The following NTM variants were observed in gnomAD, a reference collection of about 807,000 sequenced individuals.
NTM encodes the protein neurotrimin.
Under a neutral mutation model 42.1 loss-of-function variants are expected in NTM, and 13 were observed. The observed-to-expected ratio is 0.31, with a 90% CI of 0.20 to 0.49. The LOEUF (loss-of-function observed/expected upper bound fraction) is 0.49, where lower values mean the gene tolerates loss of function less well. NTM is among the 20% of genes least tolerant of loss of function. NTM has a pLI of 0.99. For synonymous variants in NTM, 187 were observed against 179.2 expected (o/e 1.04, Z -0.35); for missense variants, 373 against 452.8 (o/e 0.82, Z 1.60).
chr11:132,083,062 A>T (rs1487296487), intron 2 of NTM, among the ~76,000 whole-genome samples: 1 of 152,214 alleles, frequency 6.6e-6, no homozygotes, highest in African/African-American at 2.4e-5. Context: ...TATTACTCCC[A>T]TCACCTGGCA....
At chr11:132,210,338 AC>A (rs2082640307) in intron 3 of NTM, among the ~76,000 whole-genome samples, 1 of 152,188 alleles carries the variant, frequency 6.6e-6, no homozygotes, top group African/African-American at 2.4e-5. Context: ...TCTGCCAATG[AC>A]CCAACTCTGA....
At chr11:131,611,823 G>A (rs2061490319) in intron 1 of NTM, among the ~76,000 whole-genome samples, 1 of 152,170 alleles carries the variant, frequency 6.6e-6, no homozygotes, top group Admixed American at 6.5e-5. Flanking sequence ...ACAGAGCTAT[G>A]GTGATTTACT....
Position 131,455,830 on chromosome 11 carries a change from A to G in NTM, c.82+84942A>G, listed in dbSNP as rs116248525. Among the ~76,000 whole-genome samples the G allele has an allele frequency of 1.5e-3, 224 of 152,342 alleles. 1 individual carries two copies. Among genetic ancestry groups the G allele is most frequent in the African/African-American group, 5.2e-3 (216 of 41,570 alleles). ...GGCACGTCACCTCTGTTGAAGTCGA[A>G]TAAATATAGAGATGAATGTCTTAAT... On this transcript the variant is annotated intron_variant, in intron 1 of 8. Transcript: ENST00000683400.
At chr11:131,785,302 C>T (rs1343901364) in intron 1 of NTM, among the ~76,000 whole-genome samples, 2 of 152,124 alleles carry the variant, frequency 1.3e-5, no homozygotes, top group African/African-American at 4.8e-5. Context: ...GTGAGGCCAG[C>T]GTCGGATCAG....
chr11:131,668,066 CA>C (rs2069400879), intron 1 of NTM, among the ~76,000 whole-genome samples: 1 of 152,122 alleles, frequency 6.6e-6, no homozygotes, highest in Non-Finnish European at 1.5e-5. Flanking sequence ...AAGCTGCAGC[CA>C]GGGGAGGTTA....
chr11:131,878,595 ATAT>A (rs1243884363), intron 1 of NTM, among the ~76,000 whole-genome samples: 10 of 11,142 alleles, frequency 9.0e-4, no homozygotes, highest in Non-Finnish European at 1.5e-3. Flanking sequence ...AAAAAAAAAA[ATAT>A]ATATATATAT....
intron 1 of NTM, among the ~76,000 whole-genome samples, chr11:131,472,700 T>C (rs775438963): frequency 2.6e-5 from 4 of 152,216 alleles, no homozygotes; most frequent in Non-Finnish European, 5.9e-5. Flanking sequence ...TGATGGGTGT[T>C]TGACAATGAA....
chr11:131,597,696 A>AG (rs1020530622), intron 1 of NTM, among the ~76,000 whole-genome samples: 1 of 152,188 alleles, frequency 6.6e-6, no homozygotes, highest in Non-Finnish European at 1.5e-5. Flanking sequence ...CCCCAGAGTG[A>AG]GGGGGAGGCA....
chr11:131,617,839 G>A (rs1363379777), intron 1 of NTM, among the ~76,000 whole-genome samples: 1 of 152,196 alleles, frequency 6.6e-6, no homozygotes, highest in East Asian at 1.9e-4. Flanking sequence ...GAAGCCTTTT[G>A]TAGATGATAG....
chr11:131,698,513 T>C (rs2075725697), intron 1 of NTM, among the ~76,000 whole-genome samples: 1 of 152,160 alleles, frequency 6.6e-6, no homozygotes, highest in African/African-American at 2.4e-5. Context: ...GATGCTGTAA[T>C]TATTCCCATT....
At chr11:131,446,852 A>C (rs1408108452) in intron 1 of NTM, among the ~76,000 whole-genome samples, 1 of 152,240 alleles carries the variant, frequency 6.6e-6, no homozygotes, top group African/African-American at 2.4e-5. Flanking sequence ...GAGTATTTCT[A>C]GGACACATGT....
chr11:132,193,530 T>A (rs973996212), intron 3 of NTM, among the ~76,000 whole-genome samples: 6 of 152,084 alleles, frequency 3.9e-5, no homozygotes, highest in African/African-American at 1.4e-4. Context: ...AAAGGAAAGT[T>A]TATAGTGCTA....
chr11:131,703,082 A>G (rs1022092232), intron 1 of NTM, among the ~76,000 whole-genome samples: 3 of 152,208 alleles, frequency 2.0e-5, no homozygotes, highest in Non-Finnish European at 2.9e-5. Flanking sequence ...AGAAGAAAGT[A>G]AAAAAGCAAA....
intron 2 of NTM, among the ~76,000 whole-genome samples, chr11:131,912,336 G>A (rs553271745): frequency 1.3e-4 from 20 of 152,252 alleles, no homozygotes; most frequent in South Asian, 4.1e-4. Context: ...TGCAAAACTC[G>A]TCTACTGAAG....
chr11:131,852,532 G>T (rs1232847986), intron 1 of NTM, among the ~76,000 whole-genome samples: 1 of 152,164 alleles, frequency 6.6e-6, no homozygotes, highest in Admixed American at 6.5e-5. Context: ...AGGCTAGCAG[G>T]TGGAATGTCC....
At chr11:132,062,334 G>A (rs1249511313) in intron 2 of NTM, among the ~76,000 whole-genome samples, 1 of 152,194 alleles carries the variant, frequency 6.6e-6, no homozygotes, top group Admixed American at 6.5e-5. Flanking sequence ...GATTTGGCAG[G>A]TGCTGACCCA....
At chr11:132,309,847 G>C (rs2095224501) in intron 5 of NTM, among the ~76,000 whole-genome samples, 1 of 152,130 alleles carries the variant, frequency 6.6e-6, no homozygotes, top group African/African-American at 2.4e-5. Flanking sequence ...CCTGAGGTCA[G>C]GAGTTGGAGA....
At chr11:132,051,146 T>G (rs1169475288) in intron 2 of NTM, among the ~76,000 whole-genome samples, 1 of 152,242 alleles carries the variant, frequency 6.6e-6, no homozygotes, top group Non-Finnish European at 1.5e-5. Context: ...TCTCAAAGTC[T>G]CAGTCACACT....
chr11:131,744,117 T>G (rs1294899731), intron 1 of NTM, among the ~76,000 whole-genome samples: 2 of 152,214 alleles, frequency 1.3e-5, no homozygotes, highest in Non-Finnish European at 2.9e-5. Flanking sequence ...AGCATGTCTC[T>G]TAACCTTTCC....
Sources: gnomAD v4.1 joint callset for allele counts (sites outside exome capture counted in the v4.1 genomes callset) on GRCh38, gnomAD v4.1.1 for gene constraint, MANE v1.5 for transcripts, NCBI Gene and HGNC (gene_info 2026-07-23, HGNC 2026-07-21) for gene names.